The following VAV1 variants were observed in gnomAD, a reference collection of about 807,000 sequenced individuals.
VAV1 encodes the protein proto-oncogene vav.
VAV1 carries 33 observed loss-of-function variants against 128.1 expected under a neutral mutation model. The observed-to-expected ratio is 0.26, with a 90% CI of 0.20 to 0.34. The LOEUF (loss-of-function observed/expected upper bound fraction) is 0.34. Among genes scored for constraint, VAV1 ranks in the 10% least tolerant of loss-of-function variants. The pLI is 1.00. For synonymous variants in VAV1, 394 were observed against 409.8 expected (o/e 0.96, Z 0.47); for missense variants, 715 against 1,093.7 (o/e 0.65, Z 4.88).
intron 1 of VAV1, among the ~76,000 whole-genome samples, chr19:6,808,211 C>G (rs1050801751): frequency 6.6e-6 from 1 of 151,406 alleles, no homozygotes. Context: ...ACTCGAGAGG[C>G]TGAAGGAGGA....
In VAV1 at chr19:6,826,287, C is replaced by G. The variant is rs147277528; in HGVS notation, c.828-325C>G. ...CGGGAGATGGAGGTTGCACTGAGCC[C>G]AGATCACACCACTGTACTCCAGCCT... On this transcript the variant is annotated intron_variant, in intron 8 of 26. Transcript: ENST00000602142. This position sits in a 1 kb window ranked among gnomAD's most constrained non-coding sequence, Gnocchi z 4.1. Among the ~76,000 whole-genome samples, 3,621 of 152,018 alleles carry G rather than the reference C, an allele frequency of 0.024. 59 individuals are homozygous for G. Among genetic ancestry groups the G allele is most frequent in the Middle Eastern group, 0.044 (13 of 294 alleles).
chr19:6,828,205 T>C lies in VAV1; in HGVS notation c.1023+34T>C. 1 of 1,610,062 alleles carries C rather than the reference T, an allele frequency of 6.2e-7. No homozygotes were observed. Among genetic ancestry groups the C allele is most frequent in the East Asian group, 2.2e-5 (1 of 44,848 alleles). On this transcript the variant is annotated intron_variant, in intron 10 of 26. Transcript: ENST00000602142. This position sits in a 1 kb window ranked among gnomAD's most constrained non-coding sequence, Gnocchi z 4.5. ...CACATCTCTAGGCGTGGGCTCCACG[T>C]ACCTACTCTCCTGTGTCTATAAAAG...
At chr19:6,845,633 T>C (rs1254778458) in intron 22 of VAV1, among the ~76,000 whole-genome samples, 1 of 150,610 alleles carries the variant, frequency 6.6e-6, no homozygotes, top group Admixed American at 6.6e-5. Context: ...TATCATAAAA[T>C]ATATTTATAT....
chr19:6,821,450 G>A (rs1420500011), intron 2 of VAV1, among the ~76,000 whole-genome samples, 172 bp from the exon 3 acceptor site: 1 of 152,098 alleles, frequency 6.6e-6, no homozygotes, highest in African/African-American at 2.4e-5. Flanking sequence ...AGCAAAGGGT[G>A]GGGCTCATTT....
At chr19:6,788,495 C>A (rs1345586538) in intron 1 of VAV1, among the ~76,000 whole-genome samples, 8 of 136,586 alleles carry the variant, frequency 5.9e-5, no homozygotes, top group South Asian at 2.3e-4. Flanking sequence ...GCCTCAGCCT[C>A]CCTAGTAGCT....
Position 6,820,588 on chromosome 19 carries a change from G to A in VAV1, c.205-114G>A. 1.4e-6 allele frequency: 1 copy of A among 736,682 alleles called. No homozygotes were observed. The highest frequency in any genetic ancestry group is 1.6e-5 in the South Asian group (1 of 62,720). 45.6% of individuals were successfully genotyped at this position (736,682 alleles called of 1,614,324 possible). On this transcript the variant is annotated intron_variant, in intron 1 of 26. Transcript: ENST00000602142. The surrounding 1 kb of genome is among the most constrained non-coding windows in gnomAD (Gnocchi z 4.4). The stretch of plus-strand genomic sequence containing the variant: ...GAAGATAATTCAATTTCATGGAAGA[G>A]GGTCTGTGCTTTCATTTCCCCTCCA...
intron 9 of VAV1, among the ~76,000 whole-genome samples, chr19:6,827,645 T>A (rs892226298): frequency 1.3e-5 from 2 of 152,072 alleles, no homozygotes; most frequent in Non-Finnish European, 2.9e-5. Context: ...GTCACCCAGG[T>A]TGGAGTGAAG....
intron 1 of VAV1, among the ~76,000 whole-genome samples, chr19:6,819,908 G>C (rs939145814): frequency 3.3e-5 from 5 of 152,182 alleles, no homozygotes; most frequent in African/African-American, 1.2e-4. Flanking sequence ...AAAAGCTGGG[G>C]CCATGTTACA....
In VAV1 at chr19:6,814,671, C is replaced by CCTTCCTTTCTTTCTTTCTTT; in HGVS notation, c.205-6028_205-6027insCCTTTCTTTCTTTCTTTCTT. Among the ~76,000 whole-genome samples the CCTTCCTTTCTTTCTTTCTTT allele has an allele frequency of 2.6e-3, 68 of 25,772 alleles. 1 individual carries two copies. Among genetic ancestry groups the CCTTCCTTTCTTTCTTTCTTT allele is most frequent in the South Asian group, 7.0e-3 (5 of 714 alleles). 16.9% of individuals were successfully genotyped at this position (25,772 alleles called of 152,430 possible). On this transcript the variant is annotated intron_variant, in intron 1 of 26. Coordinates refer to ENST00000602142, the MANE Select transcript of VAV1 (RefSeq NM_005428.4). The stretch of plus-strand genomic sequence containing the variant: ...TCCTTCCTTCCTTCCTTCCTTCCTT[C>CCTTCCTTTCTTTCTTTCTTT]CTTTCTTTCTTTCTTTCTTTCTTTC...
At chr19:6,791,013 C>T (rs979607549) in intron 1 of VAV1, among the ~76,000 whole-genome samples, 1 of 152,168 alleles carries the variant, frequency 6.6e-6, no homozygotes, top group African/African-American at 2.4e-5. Flanking sequence ...GTCCTGCCTC[C>T]TATTTCACAT....
chr19:6,837,900 ATTAT>A (rs1344415838), intron 21 of VAV1, among the ~76,000 whole-genome samples: 2 of 152,214 alleles, frequency 1.3e-5, no homozygotes, highest in Non-Finnish European at 2.9e-5. Flanking sequence ...ACATTATACT[ATTAT>A]TTAATTCATA....
At chr19:6,840,303 CT>C (rs34882027) in intron 21 of VAV1, among the ~76,000 whole-genome samples, 78,077 of 123,990 alleles carry the variant, frequency 0.63, 25,378 homozygotes, top group South Asian at 0.78. Context: ...AATTTTCTTT[CT>C]TTTTTTTTTT....
chr19:6,842,185 G>A (rs147160914), intron 21 of VAV1, among the ~76,000 whole-genome samples: 99 of 151,950 alleles, frequency 6.5e-4, no homozygotes, highest in Admixed American at 1.8e-3. Context: ...AGCCAAGATC[G>A]CGCCATTGCA....
chr19:6,829,846 C>G lies in VAV1; in HGVS notation c.1326C>G (p.Asp442Glu), dbSNP rs756598154. 1 of 1,614,176 alleles carries G rather than the reference C, an allele frequency of 6.2e-7. No homozygotes were observed. The highest frequency in any genetic ancestry group is 1.1e-5 in the South Asian group (1 of 91,084). ...LICKRRGDSY[D>E]LKDFVNLHSF... ...GTAAGCGCAGGGGAGACTCCTATGA[C>G]CTCAAGGACTTTGTAAACCTGCACA... Residue 442 changes from aspartate to glutamate, a missense_variant, in exon 14 of 27, where the codon GAC becomes GAG. Physicochemically the swap from Asp to Glu is conservative, Grantham distance 45. This residue lies in a region of VAV1 where 407 missense variants were observed against 580.6 expected (regional missense o/e 0.70). Coordinates refer to ENST00000602142, the MANE Select transcript of VAV1 (RefSeq NM_005428.4).
chr19:6,814,056 T>A (rs1971570363), intron 1 of VAV1, among the ~76,000 whole-genome samples: 1 of 152,026 alleles, frequency 6.6e-6, no homozygotes, highest in Non-Finnish European at 1.5e-5. Flanking sequence ...TGATACCCTG[T>A]CTCTAAAAAT....
At chr19:6,821,384 G>A (rs574386090) in intron 2 of VAV1, among the ~76,000 whole-genome samples, 12 of 152,224 alleles carry the variant, frequency 7.9e-5, no homozygotes, top group African/African-American at 2.9e-4. Flanking sequence ...CTGGGTGACA[G>A]AGTGAGACTC....
intron 19 of VAV1, among the ~76,000 whole-genome samples, chr19:6,835,561 C>T (rs1972201145): frequency 6.6e-6 from 1 of 152,160 alleles, no homozygotes; most frequent in Non-Finnish European, 1.5e-5. Context: ...CATAGGGAAC[C>T]ACTGTCTGAC....
chr19:6,795,162 C>T (rs1971103614), intron 1 of VAV1, among the ~76,000 whole-genome samples: 1 of 152,134 alleles, frequency 6.6e-6, no homozygotes, highest in South Asian at 2.1e-4. Flanking sequence ...AGAAGCCATA[C>T]CCTGGCTTCT....
rs1334641883 is a variant in VAV1 at position 6,826,164 on chromosome 19, C to A, written c.828-448C>A. ...ACCAGCCTGGCCAACATGGCAAAACCCCGTCTCTACTAAAAATACAAAAAT... is the reference window on the plus strand; with the variant it reads ...ACCAGCCTGGCCAACATGGCAAAACACCGTCTCTACTAAAAATACAAAAAT... On this transcript the variant is annotated intron_variant, in intron 8 of 26. Coordinates refer to ENST00000602142, the MANE Select transcript of VAV1 (RefSeq NM_005428.4). This position sits in a 1 kb window ranked among gnomAD's most constrained non-coding sequence, Gnocchi z 4.1. Among the ~76,000 whole-genome samples the A allele has an allele frequency of 6.6e-6, 1 of 152,026 alleles. No homozygotes were observed. Among genetic ancestry groups the A allele is most frequent in the Non-Finnish European group, 1.5e-5 (1 of 68,010 alleles).
Sources: allele counts gnomAD v4.1 joint callset (sites outside exome capture counted in the v4.1 genomes callset), GRCh38; gene constraint gnomAD v4.1.1; regional missense constraint gnomAD v4.1.1; non-coding constraint Gnocchi (gnomAD v3.1); transcripts MANE v1.5; gene names NCBI Gene and HGNC (gene_info 2026-07-23, HGNC 2026-07-21).